SEPTIN10: variants seen among roughly 807,000 people sequenced by gnomAD.
The protein encoded by SEPTIN10 is septin 10, also known as septin-10.
SEPTIN10 carries 66 observed loss-of-function variants against 54.8 expected under a neutral mutation model. The ratio of observed to expected loss-of-function variants is 1.21; its 90% CI spans 0.99 to 1.48. The LOEUF (loss-of-function observed/expected upper bound fraction) is 1.48. SEPTIN10 is among the 40% of genes most tolerant of loss of function. The probability of loss-of-function intolerance (pLI) is 0.00; values close to 1 mark genes in which losing one functional copy is unlikely to be tolerated. For synonymous variants in SEPTIN10, 161 were observed against 181.0 expected (o/e 0.89, Z 0.89); for missense variants, 620 against 545.6 (o/e 1.14, Z -1.36).
At chr2:109,613,721 G>T in intron 1 of SEPTIN10, 77 bp downstream of exon 1, 1 of 964,282 alleles carries the variant, frequency 1.0e-6, no homozygotes. Context: ...GGACCAGGGG[G>T]CCGGTGGGTC....
Position 109,575,763 on chromosome 2 carries a change from TATA to T in SEPTIN10, c.414-999_414-997del, listed in dbSNP as rs144364784. Among the ~76,000 whole-genome samples, 615 of 152,364 alleles carry T rather than the reference TATA, an allele frequency of 4.0e-3. 6 individuals carry two copies. Among genetic ancestry groups the T allele is most frequent in the African/African-American group, 0.014 (572 of 41,590 alleles). On this transcript the variant is annotated intron_variant, in intron 4 of 10. Transcript: ENST00000397712. ...ACCTTTGTAATTATCTTTCTAGCCC[TATA>T]ATGAACCAGTACCTTGAGCAGCTGA...
intron 4 of SEPTIN10, among the ~76,000 whole-genome samples, chr2:109,580,796 C>T (rs897734204): frequency 7.9e-5 from 12 of 152,186 alleles, no homozygotes; most frequent in Admixed American, 1.3e-4. Context: ...GAAATAAATG[C>T]CCTCTTTTAT....
chr2:109,547,485 G>C (rs1261230690), intron 9 of SEPTIN10, among the ~76,000 whole-genome samples: 1 of 149,118 alleles, frequency 6.7e-6, no homozygotes, highest in African/African-American at 2.5e-5. Context: ...TTTCTCTTAA[G>C]TGAAAAAAGC....
At chr2:109,604,635 G>A (rs1697522437) in intron 1 of SEPTIN10, among the ~76,000 whole-genome samples, 2 of 150,924 alleles carry the variant, frequency 1.3e-5, no homozygotes, top group South Asian at 2.1e-4. Context: ...GCTGAGGCAG[G>A]AGAATGGCAT....
intron 2 of SEPTIN10, among the ~76,000 whole-genome samples, chr2:109,588,850 T>TAAAA (rs59135205): frequency 4.5e-5 from 5 of 111,448 alleles, no homozygotes; most frequent in Admixed American, 3.9e-4. Flanking sequence ...CAATTACTAT[T>TAAAA]AAAAAAAAAA....
intron 9 of SEPTIN10, among the ~76,000 whole-genome samples, chr2:109,548,842 A>G (rs1305592489): frequency 6.6e-6 from 1 of 151,090 alleles, no homozygotes; most frequent in Non-Finnish European, 1.5e-5. Flanking sequence ...AAAATCAGAG[A>G]CTGAGAGAAG....
rs1277862396 is a variant in SEPTIN10 at position 109,544,237 on chromosome 2, A to T, written c.*72T>A. The T allele has an allele frequency of 6.2e-7, 1 of 1,612,300 alleles. No individual in the cohort carries two copies. The highest frequency in any genetic ancestry group is 8.5e-7 in the Non-Finnish European group (1 of 1,179,494). On this transcript the variant is annotated 3_prime_UTR_variant, in exon 11 of 11. Coordinates refer to ENST00000397712, the MANE Select transcript of SEPTIN10 (RefSeq NM_144710.5). ...GATAAAACAAATAACAGCAAAATCA[A>T]AGCACACTTCTAGTTTTTTTTTAAT...
intron 1 of SEPTIN10, among the ~76,000 whole-genome samples, chr2:109,603,392 G>A (rs909677686): frequency 1.2e-4 from 18 of 152,002 alleles, no homozygotes; most frequent in African/African-American, 3.9e-4. Context: ...ACACCGCCAC[G>A]CCTGGCTAAT....
At position 109,602,931 on chromosome 2, in the gene SEPTIN10, C is replaced by A. The variant is rs1015700299; in HGVS notation, c.31-9812G>T. ...AAAAAAAAAAAAAAAATTAGCCAGG[C>A]ACAGTGGTGTGTACCTGTGGAAACT... On this transcript the variant is annotated intron_variant, in intron 1 of 10. Coordinates refer to ENST00000397712, the MANE Select transcript of SEPTIN10 (RefSeq NM_144710.5). Among the ~76,000 whole-genome samples the A allele has an allele frequency of 2.7e-5, 4 of 147,816 alleles. No individual in the cohort carries two copies. The Admixed American group carries it at 2.7e-4, about 10-fold the overall frequency.
At chr2:109,547,660 T>C (rs1465486876) in intron 9 of SEPTIN10, among the ~76,000 whole-genome samples, 1 of 152,140 alleles carries the variant, frequency 6.6e-6, no homozygotes, top group Admixed American at 6.5e-5. Flanking sequence ...ATGCCCTATA[T>C]GGATCATAGA....
intron 2 of SEPTIN10, among the ~76,000 whole-genome samples, chr2:109,590,065 TAC>T (rs200796778): frequency 2.0e-5 from 3 of 148,218 alleles, no homozygotes; most frequent in Non-Finnish European, 3.0e-5. Flanking sequence ...TGTATATATA[TAC>T]ACACACATAT....
chr2:109,548,727 G>A (rs572701519), intron 9 of SEPTIN10, among the ~76,000 whole-genome samples: 40 of 127,910 alleles, frequency 3.1e-4, no homozygotes, highest in African/African-American at 1.2e-3. Flanking sequence ...AGTGAGCCGA[G>A]ATAGCGCCAT....
intron 8 of SEPTIN10, among the ~76,000 whole-genome samples, chr2:109,561,208 T>C (rs1461596888): frequency 6.6e-6 from 1 of 152,154 alleles, no homozygotes; most frequent in Non-Finnish European, 1.5e-5. Flanking sequence ...TTCCGGAGTC[T>C]TACAGATGCC....
At chr2:109,611,419 A>C (rs1699226023) in intron 1 of SEPTIN10, among the ~76,000 whole-genome samples, 1 of 152,180 alleles carries the variant, frequency 6.6e-6, no homozygotes, top group Non-Finnish European at 1.5e-5. Context: ...GAACATTTTC[A>C]AATCACATAT....
chr2:109,590,106 GTA>G (rs1390601322), intron 2 of SEPTIN10, among the ~76,000 whole-genome samples: 29 of 142,402 alleles, frequency 2.0e-4, no homozygotes, highest in African/African-American at 7.5e-4. Flanking sequence ...ACATATATAT[GTA>G]TGTATATATA....
chr2:109,566,949 G>C (rs1263535071), intron 6 of SEPTIN10, among the ~76,000 whole-genome samples: 1 of 151,968 alleles, frequency 6.6e-6, no homozygotes, highest in Non-Finnish European at 1.5e-5. Context: ...TTGAGCACAA[G>C]AAATAAAATT....
intron 4 of SEPTIN10, among the ~76,000 whole-genome samples, chr2:109,582,124 G>A (rs559744559): frequency 2.1e-5 from 3 of 145,640 alleles, no homozygotes; most frequent in East Asian, 3.9e-4. Context: ...TCACTCTCAC[G>A]CAAAAACCTA....
In SEPTIN10 at chr2:109,576,619, A is replaced by T. The variant is rs80341922; in HGVS notation, c.414-1852T>A. ...GTATATATTTCACATAAAAATTCCA[A>T]AGAAGCTTTTATTAATGACCTGAAA... On this transcript the variant is annotated intron_variant, in intron 4 of 10. Coordinates refer to ENST00000397712, the MANE Select transcript of SEPTIN10 (RefSeq NM_144710.5). Among the ~76,000 whole-genome samples, 85 of 152,254 alleles carry T rather than the reference A, an allele frequency of 5.6e-4. 1 individual carries two copies. The East Asian group carries it at 0.014, about 24-fold the overall frequency.
At chr2:109,555,560 T>C (rs904643789) in intron 8 of SEPTIN10, among the ~76,000 whole-genome samples, 1 of 152,182 alleles carries the variant, frequency 6.6e-6, no homozygotes, top group African/African-American at 2.4e-5. Flanking sequence ...TTCTCATAAA[T>C]GCAGAATGTT....
Sources: gnomAD v4.1 joint callset for allele counts (sites outside exome capture counted in the v4.1 genomes callset) on GRCh38, gnomAD v4.1.1 for gene constraint, MANE v1.5 for transcripts, NCBI Gene and HGNC (gene_info 2026-07-23, HGNC 2026-07-21) for gene names.